Variants in EFCAB6 observed in about 807,000 individuals in gnomAD.
The protein encoded by EFCAB6 is EF-hand calcium binding domain 6.
Under a neutral mutation model 169.8 loss-of-function variants are expected in EFCAB6, and 156 were observed. That is an observed-to-expected ratio of 0.92 (90% confidence interval 0.81 to 1.05). The LOEUF (loss-of-function observed/expected upper bound fraction) is 1.05. EFCAB6 is among the 50% of genes least tolerant of loss of function. The pLI is 0.00. For missense variants in EFCAB6, 1,800 were observed against 1,829.1 expected (o/e 0.98, Z 0.29); for synonymous variants, 698 against 676.4 (o/e 1.03, Z -0.50).
chr22:43,694,682 T>C (rs931241521), intron 10 of EFCAB6, among the ~76,000 whole-genome samples: 2 of 151,964 alleles, frequency 1.3e-5, no homozygotes, highest in East Asian at 1.9e-4. Flanking sequence ...TAACTTACCA[T>C]AGTAATAGAA....
intron 27 of EFCAB6, among the ~76,000 whole-genome samples, chr22:43,551,156 T>C (rs2147153755): frequency 6.6e-6 from 1 of 152,342 alleles, no homozygotes; most frequent in South Asian, 2.1e-4. Context: ...AAAAATGGCA[T>C]GAGGGTCTAG....
intron 6 of EFCAB6, among the ~76,000 whole-genome samples, chr22:43,749,896 TGA>T (rs1166483362): frequency 2.0e-5 from 3 of 152,192 alleles, no homozygotes; most frequent in Non-Finnish European, 4.4e-5. Flanking sequence ...CCAATAACAC[TGA>T]GAAAACCTTG....
chr22:43,572,907 G>A lies in EFCAB6; in HGVS notation c.3420+3390C>T, dbSNP rs1230408986. Among the ~76,000 whole-genome samples, 1 of 152,240 alleles carries A rather than the reference G, an allele frequency of 6.6e-6. No individual in the cohort carries two copies. The highest frequency in any genetic ancestry group is 2.4e-5 in the African/African-American group (1 of 41,454). The stretch of plus-strand genomic sequence containing the variant: ...CATAGGAAACACGTGTCATGAGAGA[G>A]TGAATGAACCCACACGATGGAATGG... On this transcript the variant is annotated intron_variant, in intron 26 of 31. Transcript: ENST00000262726. This position sits in a 1 kb window ranked among gnomAD's most constrained non-coding sequence, Gnocchi z 4.0.
chr22:43,566,096 C>A (rs1455411506), intron 26 of EFCAB6, among the ~76,000 whole-genome samples: 1 of 152,172 alleles, frequency 6.6e-6, no homozygotes, highest in Non-Finnish European at 1.5e-5. Context: ...ACAGACCTCG[C>A]TGCCGGATCA....
At position 43,632,293 on chromosome 22, in the gene EFCAB6, T is replaced by TC; in HGVS notation, c.2099-56dup. 2.1e-6 allele frequency: 3 copies of TC among 1,429,986 alleles called. No homozygotes were observed. The South Asian group carries it at 4.2e-5, about 20-fold the overall frequency. The allele number at this position is 1,429,986 out of a possible 1,614,324, so 88.6% of individuals were successfully genotyped here. A position where few individuals can be genotyped will look rare whatever the true frequency, so the allele number is the denominator to read the frequency against. On this transcript the variant is annotated intron_variant, in intron 18 of 31. Coordinates refer to ENST00000262726, the MANE Select transcript of EFCAB6 (RefSeq NM_022785.4). ...ATTAGTGCCCATCAGCTTCATTCCT[T>TC]CTTTTTTTTTTTTTTTTTTTTTTGA...
intron 26 of EFCAB6, among the ~76,000 whole-genome samples, chr22:43,567,927 C>G (rs1195238052): frequency 1.3e-5 from 2 of 152,216 alleles, no homozygotes; most frequent in African/African-American, 4.8e-5. Context: ...CCTCCGATTT[C>G]ACCGAAGTCC....
chr22:43,721,060 G>A (rs1348615770), intron 8 of EFCAB6, among the ~76,000 whole-genome samples: 1 of 152,132 alleles, frequency 6.6e-6, no homozygotes, highest in Non-Finnish European at 1.5e-5. Flanking sequence ...ACAAAAATCA[G>A]TGGCATTTCT....
At chr22:43,686,285 A>C (rs1216693451) in intron 11 of EFCAB6, among the ~76,000 whole-genome samples, 1 of 151,952 alleles carries the variant, frequency 6.6e-6, no homozygotes, top group African/African-American at 2.4e-5. Flanking sequence ...AGCCTAAATA[A>C]TTTTTAATTT....
In EFCAB6 at chr22:43,795,518, T is replaced by C. The variant is rs1454793349; in HGVS notation, c.-7-13193A>G. ...CTCGGCCCTGCTCCACCCCAGCCGA[T>C]TCCTCTGCCTTGAGACCTCCTGGAA... On this transcript the variant is annotated intron_variant, in intron 2 of 31. Coordinates refer to ENST00000262726, the MANE Select transcript of EFCAB6 (RefSeq NM_022785.4). This position sits in a 1 kb window ranked among gnomAD's most constrained non-coding sequence, Gnocchi z 4.2. Among the ~76,000 whole-genome samples, 1 of 152,052 alleles carries C rather than the reference T, an allele frequency of 6.6e-6. No individual in the cohort carries two copies.
intron 2 of EFCAB6, among the ~76,000 whole-genome samples, chr22:43,788,045 TG>T (rs1169575098): frequency 1.3e-5 from 2 of 152,150 alleles, no homozygotes; most frequent in Non-Finnish European, 2.9e-5. Context: ...AGAGTGAAGT[TG>T]GCCCCCTAGC....
chr22:43,667,502 T>C (rs2057315531), intron 16 of EFCAB6, among the ~76,000 whole-genome samples: 1 of 152,162 alleles, frequency 6.6e-6, no homozygotes, highest in African/African-American at 2.4e-5. Flanking sequence ...AAAGCCCATG[T>C]ACAGTGGCAG....
chr22:43,645,189 T>A (rs973684804), intron 17 of EFCAB6, among the ~76,000 whole-genome samples: 15 of 152,360 alleles, frequency 9.8e-5, no homozygotes, highest in African/African-American at 3.6e-4. Flanking sequence ...GTTGCCAACC[T>A]CCCTTCCCAA....
intron 10 of EFCAB6, among the ~76,000 whole-genome samples, chr22:43,706,052 C>T (rs1186815202): frequency 3.3e-5 from 5 of 152,086 alleles, no homozygotes; most frequent in African/African-American, 1.2e-4. Flanking sequence ...TACAAAGGAT[C>T]GTGAGACTAT....
intron 2 of EFCAB6, among the ~76,000 whole-genome samples, chr22:43,784,607 ATATGTG>A (rs2061980918): frequency 2.1e-5 from 2 of 94,012 alleles, no homozygotes; most frequent in African/African-American, 8.6e-5. Context: ...ATACACATAT[ATATGTG>A]TATATATACA....
At chr22:43,804,022 ATTCTT>A (rs1254522956) in intron 2 of EFCAB6, among the ~76,000 whole-genome samples, 1 of 152,194 alleles carries the variant, frequency 6.6e-6, no homozygotes, top group East Asian at 1.9e-4. Context: ...AGAATGACAT[ATTCTT>A]TTCATCAGCA....
chr22:43,636,705 G>A (rs377745397), intron 17 of EFCAB6, among the ~76,000 whole-genome samples: 1 of 151,026 alleles, frequency 6.6e-6, no homozygotes, highest in Non-Finnish European at 1.5e-5. Context: ...CTGCCTCCCG[G>A]GCTCAAGTGA....
At chr22:43,811,294 G>A (rs1457771423) in intron 1 of EFCAB6, among the ~76,000 whole-genome samples, 1 of 144,004 alleles carries the variant, frequency 6.9e-6, no homozygotes, top group African/African-American at 2.6e-5. Flanking sequence ...GGAGAGGCGA[G>A]GGGAGGGAAG....
At chr22:43,668,774 GAAATATTA>G in intron 16 of EFCAB6, 90 bp downstream of exon 16, 1 of 1,152,380 alleles carries the variant, frequency 8.7e-7, no homozygotes, top group Non-Finnish European at 1.1e-6. Flanking sequence ...TTTATAAAAT[GAAATATTA>G]AAATACTCAG....
intron 17 of EFCAB6, among the ~76,000 whole-genome samples, chr22:43,655,369 G>C (rs2056682495): frequency 6.6e-6 from 1 of 152,154 alleles, no homozygotes; most frequent in South Asian, 2.1e-4. Context: ...TGTTAGGGAA[G>C]TGGTGAACAA....
Sources: allele counts gnomAD v4.1 joint callset (sites outside exome capture counted in the v4.1 genomes callset), GRCh38; gene constraint gnomAD v4.1.1; non-coding constraint Gnocchi (gnomAD v3.1); transcripts MANE v1.5; gene names NCBI Gene and HGNC (gene_info 2026-07-23, HGNC 2026-07-21).